MARK3: variants seen among roughly 807,000 people sequenced by gnomAD.
MARK3 encodes the protein MAP/microtubule affinity-regulating kinase 3.
Under a neutral mutation model 90.1 loss-of-function variants are expected in MARK3, and 46 were observed. The ratio of observed to expected loss-of-function variants is 0.51; its 90% CI spans 0.40 to 0.65. MARK3 has a LOEUF of 0.65. Ranked by LOEUF, MARK3 falls within the 30% of genes least tolerant of loss-of-function variation. MARK3 has a pLI of 0.00. For synonymous variants in MARK3, 321 were observed against 332.6 expected (o/e 0.97, Z 0.38); for missense variants, 818 against 947.2 (o/e 0.86, Z 1.79).
intron 6 of MARK3, 100 bp downstream of exon 6, chr14:103,457,312 G>A: frequency 3.6e-6 from 3 of 835,510 alleles, no homozygotes; most frequent in Non-Finnish European, 2.0e-6. Flanking sequence ...TATAAGGCCT[G>A]TTGGATGGCA....
At chr14:103,450,675 A>G (rs2093115239) in intron 4 of MARK3, among the ~76,000 whole-genome samples, 1 of 152,128 alleles carries the variant, frequency 6.6e-6, no homozygotes, top group Non-Finnish European at 1.5e-5. Context: ...TCATCAGTTC[A>G]TCAAACATTT....
At chr14:103,396,192 G>C (rs1169437007) in intron 1 of MARK3, among the ~76,000 whole-genome samples, 6 of 152,024 alleles carry the variant, frequency 3.9e-5, no homozygotes, top group Non-Finnish European at 5.9e-5. Context: ...TTATTTAACA[G>C]ACTGATAGAT....
chr14:103,388,687 T>C (rs1367347931), intron 1 of MARK3, among the ~76,000 whole-genome samples: 1 of 152,196 alleles, frequency 6.6e-6, no homozygotes, highest in African/African-American at 2.4e-5. Context: ...CCTCTCCCTT[T>C]CTTAGCCCCT....
At chr14:103,498,157 C>T (rs990498481) in intron 15 of MARK3, among the ~76,000 whole-genome samples, 3 of 151,290 alleles carry the variant, frequency 2.0e-5, no homozygotes, top group African/African-American at 4.9e-5. Context: ...GCATAGGTTG[C>T]ATTGAGCTGA....
At chr14:103,482,545 C>A (rs1331490020) in intron 14 of MARK3, among the ~76,000 whole-genome samples, 1 of 151,794 alleles carries the variant, frequency 6.6e-6, no homozygotes, top group Non-Finnish European at 1.5e-5. Context: ...GTTTCATTAC[C>A]TTTACTACTT....
chr14:103,495,305 C>T (rs1305530368), intron 15 of MARK3, among the ~76,000 whole-genome samples: 1 of 152,154 alleles, frequency 6.6e-6, no homozygotes, highest in Non-Finnish European at 1.5e-5. Flanking sequence ...CATGGTGAAA[C>T]CCCATCTCTA....
chr14:103,426,987 G>A (rs2092426463), intron 2 of MARK3, among the ~76,000 whole-genome samples: 1 of 151,966 alleles, frequency 6.6e-6, no homozygotes, highest in Non-Finnish European at 1.5e-5. Flanking sequence ...TAAAGTGTCA[G>A]TAAATTGTAA....
intron 15 of MARK3, among the ~76,000 whole-genome samples, chr14:103,495,013 G>C (rs1293697302): frequency 6.6e-6 from 1 of 152,068 alleles, no homozygotes; most frequent in Non-Finnish European, 1.5e-5. Flanking sequence ...CATATTTTAT[G>C]TATAAAATGA....
At chr14:103,406,269 G>A (rs1343391739) in intron 2 of MARK3, among the ~76,000 whole-genome samples, 1 of 151,946 alleles carries the variant, frequency 6.6e-6, no homozygotes, top group Non-Finnish European at 1.5e-5. Flanking sequence ...TGTAGCCCAG[G>A]CCTGGAGTGA....
intron 6 of MARK3, 69 bp from the exon 7 acceptor site, chr14:103,462,336 A>G: frequency 1.7e-6 from 2 of 1,165,588 alleles, no homozygotes; most frequent in Non-Finnish European, 2.5e-6. Context: ...GTGAACATTA[A>G]CAAAGTTATT....
chr14:103,494,544 CAAA>C (rs35133138), intron 15 of MARK3, among the ~76,000 whole-genome samples: 8 of 84,612 alleles, frequency 9.5e-5, no homozygotes, highest in Admixed American at 3.0e-4. Context: ...AACTCTGTCT[CAAA>C]AAAAAAAAAA....
chr14:103,409,355 C>T (rs555510022), intron 2 of MARK3, among the ~76,000 whole-genome samples: 6 of 138,588 alleles, frequency 4.3e-5, no homozygotes, highest in Middle Eastern at 4.1e-3. Flanking sequence ...GCTGATGGGT[C>T]GATGGGCGCA....
At chr14:103,500,999 T>A (rs956535440) in intron 17 of MARK3, among the ~76,000 whole-genome samples, 4 of 152,210 alleles carry the variant, frequency 2.6e-5, no homozygotes, top group Admixed American at 6.5e-5. Context: ...GGACTCTATG[T>A]CCCTTGTTCT....
Position 103,464,289 on chromosome 14 carries a change from CTTTTTTTTTTTTTT to C in MARK3, c.541-1254_541-1241del, listed in dbSNP as rs143005949. Among the ~76,000 whole-genome samples the C allele has an allele frequency of 1.2e-4, 8 of 68,636 alleles. No homozygotes were observed. In the South Asian group the frequency reaches 4.5e-3, roughly 39 times the overall value. The allele number at this position is 68,636 out of a possible 152,430, so 45.0% of individuals were successfully genotyped here. On this transcript the variant is annotated intron_variant, in intron 7 of 17. Coordinates refer to ENST00000429436, the MANE Select transcript of MARK3 (RefSeq NM_001128918.3). The stretch of plus-strand genomic sequence containing the variant: ...TTCTTAAAGTGACTGTGATTTGTCT[CTTTTTTTTTTTTTT>C]TTTTTTTTTTTTTGAGACGGAGTCT...
chr14:103,432,832 G>C (rs4900575), intron 3 of MARK3, among the ~76,000 whole-genome samples: 42,974 of 151,930 alleles, frequency 0.28, 7,244 homozygotes, highest in Non-Finnish European at 0.36. Context: ...TTCCAGCCTG[G>C]GCAACAGAGC....
Position 103,467,201 on chromosome 14 carries a change from A to G in MARK3, c.1110+10A>G, listed in dbSNP as rs1392215496. The G allele has an allele frequency of 7.2e-6, 10 of 1,381,216 alleles. No homozygotes were observed. Among genetic ancestry groups the G allele is most frequent in the Non-Finnish European group, 1.0e-5 (10 of 982,684 alleles). The allele number at this position is 1,381,216 out of a possible 1,614,324, so 85.6% of individuals were successfully genotyped here. On this transcript the variant is annotated intron_variant, in intron 11 of 17. Transcript: ENST00000429436. ...GAGAAAATCTTCAGAGGTAAGAGTAATCAGAAAGAGCTGAAATACCCTGTA... is the reference window on the plus strand; with the variant it reads ...GAGAAAATCTTCAGAGGTAAGAGTAGTCAGAAAGAGCTGAAATACCCTGTA...
rs920032487 is a variant in MARK3 at position 103,462,845 on chromosome 14, C to G, written c.540+384C>G. Among the ~76,000 whole-genome samples, 23 of 152,244 alleles carry G rather than the reference C, an allele frequency of 1.5e-4. 1 individual carries two copies. Among genetic ancestry groups the G allele is most frequent in the Admixed American group, 7.8e-4 (12 of 15,296 alleles). On this transcript the variant is annotated intron_variant, in intron 7 of 17. Transcript: ENST00000429436. ...GCCTGTTTGAGACCTCTTTCAAGGTCCTCAGCCTCTGCCCTCACTCTGGCA... is the reference window on the plus strand; with the variant it reads ...GCCTGTTTGAGACCTCTTTCAAGGTGCTCAGCCTCTGCCCTCACTCTGGCA...
rs572238887 is a variant in MARK3 at position 103,385,569 on chromosome 14, G to A, written c.-461G>A. On this transcript the variant is annotated 5_prime_UTR_variant, in exon 1 of 18. Transcript: ENST00000429436. ...CCATGGTCGGCGCCCACAGCCCGCGGCGGCCTGTCTTGCGCTCCACTTCCT... is the reference window on the plus strand; with the variant it reads ...CCATGGTCGGCGCCCACAGCCCGCGACGGCCTGTCTTGCGCTCCACTTCCT... The A allele has an allele frequency of 1.4e-3, 209 of 154,636 alleles. No individual in the cohort carries two copies. Among genetic ancestry groups the A allele is most frequent in the Non-Finnish European group, 2.3e-3 (159 of 69,338 alleles). 9.6% of individuals were successfully genotyped at this position (154,636 alleles called of 1,614,324 possible). A position where few individuals can be genotyped will look rare whatever the true frequency, so the allele number is the denominator to read the frequency against.
At chr14:103,455,150 T>G (rs117724464) in intron 5 of MARK3, among the ~76,000 whole-genome samples, 2,051 of 152,306 alleles carry the variant, frequency 0.013, 27 homozygotes, top group Non-Finnish European at 0.022. Context: ...AAAAAATCTG[T>G]CAATTATATT....
Sources: gnomAD v4.1 joint callset for allele counts (sites outside exome capture counted in the v4.1 genomes callset) on GRCh38, gnomAD v4.1.1 for gene constraint, MANE v1.5 for transcripts, NCBI Gene and HGNC (gene_info 2026-07-23, HGNC 2026-07-21) for gene names.